Variants in CYSLTR2 observed in about 807,000 individuals in gnomAD.
CYSLTR2 encodes G-protein coupled receptor GPCR21.
For missense variants in CYSLTR2, 398 were observed against 411.9 expected, an observed-to-expected ratio of 0.97 and a Z score of 0.29; for synonymous variants, 179 against 160.8, an observed-to-expected ratio of 1.11 and a Z score of -0.86.
chr13:48,706,255 C>G (rs954671742), intron 4 of CYSLTR2, among the ~76,000 whole-genome samples: 10 of 152,302 alleles, frequency 6.6e-5, no homozygotes, highest in African/African-American at 2.4e-4. Flanking sequence ...CTCAGCTTCC[C>G]AAACTGCTGG....
intron 1 of CYSLTR2, among the ~76,000 whole-genome samples, chr13:48,662,482 T>C (rs1354046088): frequency 6.6e-6 from 1 of 152,170 alleles, no homozygotes; most frequent in Non-Finnish European, 1.5e-5. Context: ...CAACAACACA[T>C]GAGTTCCCTT....
chr13:48,695,067 C>CCTTTT (rs1278951741), intron 3 of CYSLTR2, among the ~76,000 whole-genome samples: 2 of 83,698 alleles, frequency 2.4e-5, no homozygotes, highest in Non-Finnish European at 5.2e-5. Flanking sequence ...CAGAACCTGG[C>CCTTTT]ATTTTTTTTT....
intron 1 of CYSLTR2, among the ~76,000 whole-genome samples, chr13:48,690,594 G>C (rs1240074013): frequency 6.6e-6 from 1 of 152,160 alleles, no homozygotes; most frequent in Admixed American, 6.6e-5. Flanking sequence ...TTGCATGCCA[G>C]GGCTGAAGCC....
Position 48,691,303 on chromosome 13 carries a change from T to C in CYSLTR2, c.-176+2T>C, listed in dbSNP as rs773518029. The C allele has an allele frequency of 2.0e-5, 3 of 152,006 alleles. No homozygotes were observed. The highest frequency in any genetic ancestry group is 4.4e-5 in the Non-Finnish European group (3 of 67,938). 9.4% of individuals were successfully genotyped at this position (152,006 alleles called of 1,614,324 possible). A position where few individuals can be genotyped will look rare whatever the true frequency, so the allele number is the denominator to read the frequency against. On this transcript the variant is annotated splice_donor_variant, in intron 2 of 4. Transcript: ENST00000682523. LOFTEE classifies it low-confidence loss of function (5UTR_SPLICE). ...GGTATGGAGAGTTCCTCAACAGAGG[T>C]AATCAATCATCAGCTTCTTTTTCTA...
chr13:48,657,510 G>C (rs975418675), intron 1 of CYSLTR2, among the ~76,000 whole-genome samples: 2 of 151,736 alleles, frequency 1.3e-5, no homozygotes, highest in Non-Finnish European at 2.9e-5. Flanking sequence ...AGAGGAGAGG[G>C]GAGAGGAGGG....
At chr13:48,677,965 G>C (rs555167869) in intron 1 of CYSLTR2, among the ~76,000 whole-genome samples, 1 of 151,486 alleles carries the variant, frequency 6.6e-6, no homozygotes, top group South Asian at 2.1e-4. Context: ...TCCGCCTTCA[G>C]GGTTCAAGCT....
At chr13:48,685,361 A>G (rs1332597980) in intron 1 of CYSLTR2, among the ~76,000 whole-genome samples, 25 of 152,136 alleles carry the variant, frequency 1.6e-4, no homozygotes, top group Admixed American at 1.6e-3. Flanking sequence ...CCATGATTCA[A>G]TCACCTCCCA....
At chr13:48,687,683 T>TACA (rs1024968057) in intron 1 of CYSLTR2, among the ~76,000 whole-genome samples, 45 of 152,342 alleles carry the variant, frequency 3.0e-4, no homozygotes, top group African/African-American at 1.0e-3. Context: ...TTCTCTCAAG[T>TACA]AGCCTGTGCT....
At chr13:48,654,387 A>G (rs1454530766) in intron 1 of CYSLTR2, among the ~76,000 whole-genome samples, 1 of 149,924 alleles carries the variant, frequency 6.7e-6, no homozygotes, top group Non-Finnish European at 1.5e-5. Flanking sequence ...GTTTGTATTC[A>G]TTTCCTCCAT....
intron 1 of CYSLTR2, among the ~76,000 whole-genome samples, chr13:48,666,150 G>A (rs74243499): frequency 0.052 from 7,851 of 151,924 alleles, 241 homozygotes; most frequent in Middle Eastern, 0.13. Flanking sequence ...TCTTCATTTC[G>A]GAAGGATAGC....
intron 1 of CYSLTR2, among the ~76,000 whole-genome samples, chr13:48,689,353 C>T (rs1293104675): frequency 6.6e-6 from 1 of 152,034 alleles, no homozygotes; most frequent in Non-Finnish European, 1.5e-5. Flanking sequence ...GAATGTATTG[C>T]CTAGGTTTTC....
Position 48,706,841 on chromosome 13 carries a change from G to A in CYSLTR2, c.24G>A (p.Leu8=). ...GCATGGAGAGAAAATTTATGTCCTTGCAACCATCCATCTCCGTATCAGAAA... is the reference window on the plus strand; with the variant it reads ...GCATGGAGAGAAAATTTATGTCCTTACAACCATCCATCTCCGTATCAGAAA... The part of the protein sequence containing the change: MERKFMS[L]QPSISVSEME... Residue 8 remains leucine, a synonymous_variant, in exon 5 of 5, where the codon TTG becomes TTA. Coordinates refer to ENST00000682523, the MANE Select transcript of CYSLTR2 (RefSeq NM_001308476.3). 1 of 1,613,102 alleles carries A rather than the reference G, an allele frequency of 6.2e-7. No individual in the cohort carries two copies. Among genetic ancestry groups the A allele is most frequent in the Non-Finnish European group, 8.5e-7 (1 of 1,179,302 alleles).
At chr13:48,659,545 T>C (rs1320560682) in intron 1 of CYSLTR2, among the ~76,000 whole-genome samples, 1 of 152,226 alleles carries the variant, frequency 6.6e-6, no homozygotes, top group Non-Finnish European at 1.5e-5. Flanking sequence ...AAATGCTGTC[T>C]AGGGGAAATG....
At chr13:48,703,674 T>C (rs1341398980) in intron 4 of CYSLTR2, among the ~76,000 whole-genome samples, 1 of 152,200 alleles carries the variant, frequency 6.6e-6, no homozygotes, top group Non-Finnish European at 1.5e-5. Flanking sequence ...GGGATATTCA[T>C]CCATAGTCTT....
intron 3 of CYSLTR2, among the ~76,000 whole-genome samples, chr13:48,694,986 G>A (rs1194579820): frequency 4.8e-5 from 7 of 145,026 alleles, no homozygotes; most frequent in Non-Finnish European, 9.0e-5. Flanking sequence ...CCATGCACAT[G>A]TAAAAAAAAA....
intron 1 of CYSLTR2, among the ~76,000 whole-genome samples, chr13:48,655,113 C>T (rs1343219340): frequency 6.6e-5 from 10 of 152,278 alleles, no homozygotes; most frequent in South Asian, 6.2e-4. Flanking sequence ...ACTTGTGTTT[C>T]GATTTACTAA....
At chr13:48,685,408 A>G (rs1199856436) in intron 1 of CYSLTR2, among the ~76,000 whole-genome samples, 2 of 152,168 alleles carry the variant, frequency 1.3e-5, no homozygotes, top group African/African-American at 4.8e-5. Flanking sequence ...TTACAATTGA[A>G]CATAAGATTT....
rs1954616515 is a variant in CYSLTR2 at position 48,710,932 on chromosome 13, T to G, written c.*3074T>G. The G allele has an allele frequency of 6.6e-6, 1 of 152,098 alleles. No homozygotes were observed. Among genetic ancestry groups the G allele is most frequent in the African/African-American group, 2.4e-5 (1 of 41,422 alleles). 9.4% of individuals were successfully genotyped at this position (152,098 alleles called of 1,614,324 possible). A position where few individuals can be genotyped will look rare whatever the true frequency, so the allele number is the denominator to read the frequency against. On this transcript the variant is annotated 3_prime_UTR_variant, in exon 5 of 5. Coordinates refer to ENST00000682523, the MANE Select transcript of CYSLTR2 (RefSeq NM_001308476.3). Reference sequence around the variant, plus strand: ...TTTCAGGAAATGAAGGGAGAAGATGTGTACGTGTGTGGGAGAGGTATAAGA... The same window carrying G: ...TTTCAGGAAATGAAGGGAGAAGATGGGTACGTGTGTGGGAGAGGTATAAGA...
chr13:48,703,079 G>A (rs1412819082), intron 4 of CYSLTR2, among the ~76,000 whole-genome samples: 2 of 152,044 alleles, frequency 1.3e-5, no homozygotes, highest in East Asian at 3.8e-4. Context: ...ACTCCAGTGT[G>A]CTCATATGTG....
Sources: allele counts gnomAD v4.1 joint callset (sites outside exome capture counted in the v4.1 genomes callset), GRCh38; gene constraint gnomAD v4.1.1; transcripts MANE v1.5; gene names NCBI Gene and HGNC (gene_info 2026-07-23, HGNC 2026-07-21).